CFAP44: variants seen among roughly 807,000 people sequenced by gnomAD.
CFAP44 encodes cilia and flagella associated protein 44, also known as cilia- and flagella-associated protein 44.
CFAP44 carries 134 observed loss-of-function variants against 216.2 expected under a neutral mutation model. The observed-to-expected ratio is 0.62, with a 90% CI of 0.54 to 0.72. The LOEUF (loss-of-function observed/expected upper bound fraction) is 0.72. Ranked by LOEUF, CFAP44 falls within the 30% of genes least tolerant of loss-of-function variation. The pLI, the probability that CFAP44 is intolerant of heterozygous loss-of-function variation, is 0.00. For synonymous variants in CFAP44, 700 were observed against 727.6 expected (o/e 0.96, Z 0.61); for missense variants, 2,035 against 2,182.1 (o/e 0.93, Z 1.34).
intron 24 of CFAP44, among the ~76,000 whole-genome samples, chr3:113,340,556 G>A (rs1206233876): frequency 6.6e-6 from 1 of 152,178 alleles, no homozygotes; most frequent in African/African-American, 2.4e-5. Context: ...CCCCCTCGCA[G>A]GGTGTGCGAT....
intron 6 of CFAP44, among the ~76,000 whole-genome samples, 159 bp downstream of exon 6, chr3:113,416,366 A>C (rs947675247): frequency 5.3e-5 from 8 of 152,094 alleles, no homozygotes; most frequent in Non-Finnish European, 8.8e-5. Context: ...ATTTACATTT[A>C]AGGTTAGTAT....
intron 8 of CFAP44, among the ~76,000 whole-genome samples, chr3:113,405,559 A>G (rs1934254027): frequency 6.6e-6 from 1 of 152,158 alleles, no homozygotes; most frequent in South Asian, 2.1e-4. Context: ...CTGCCTACCT[A>G]TTAAACTCCT....
chr3:113,373,882 A>G (rs1933253264), intron 17 of CFAP44, among the ~76,000 whole-genome samples: 1 of 152,172 alleles, frequency 6.6e-6, no homozygotes, highest in African/African-American at 2.4e-5. Context: ...GCAGGAACAA[A>G]TATTAGGGTT....
At chr3:113,337,941 T>C (rs1282648057) in intron 24 of CFAP44, among the ~76,000 whole-genome samples, 1 of 151,908 alleles carries the variant, frequency 6.6e-6, no homozygotes, top group Non-Finnish European at 1.5e-5. Flanking sequence ...TCAACTAAAT[T>C]AAAAACTGTT....
At chr3:113,296,015 T>A (rs372705945) in intron 33 of CFAP44, among the ~76,000 whole-genome samples, 70 of 152,284 alleles carry the variant, frequency 4.6e-4, no homozygotes, top group African/African-American at 7.5e-4. Flanking sequence ...ATAGCAAACG[T>A]TGTACCTAGT....
At chr3:113,411,690 T>A (rs1236773454) in intron 6 of CFAP44, among the ~76,000 whole-genome samples, 3 of 152,226 alleles carry the variant, frequency 2.0e-5, no homozygotes, top group African/African-American at 4.8e-5. Context: ...AAGTCATTGG[T>A]AGCTTGATGG....
At chr3:113,400,038 A>G in intron 12 of CFAP44, 38 bp from the exon 13 acceptor site, 1 of 1,375,696 alleles carries the variant, frequency 7.3e-7, no homozygotes, top group Non-Finnish European at 9.8e-7. Flanking sequence ...AAAATTATAT[A>G]CATAATTTTT....
chr3:113,296,244 G>A (rs11921931), intron 33 of CFAP44, among the ~76,000 whole-genome samples: 27,810 of 152,012 alleles, frequency 0.18, 2,718 homozygotes, highest in African/African-American at 0.24. Flanking sequence ...TTATGGCTGC[G>A]TAGTAATCCA....
At chr3:113,320,422 T>TAC (rs1950132203) in intron 28 of CFAP44, among the ~76,000 whole-genome samples, 1 of 145,290 alleles carries the variant, frequency 6.9e-6, no homozygotes, top group East Asian at 2.0e-4. Context: ...ATGATATATA[T>TAC]ATGATATATA....
In CFAP44 at chr3:113,291,660, G is replaced by A. The variant is rs1195095563; in HGVS notation, c.5462C>T (p.Ser1821Leu). 35 of 1,537,356 alleles carry A rather than the reference G, an allele frequency of 2.3e-5. No individual in the cohort carries two copies. Among genetic ancestry groups the A allele is most frequent in the Admixed American group, 1.4e-4 (7 of 50,990 alleles). ...AAGAGCAATCTCCTCCTTTAAGGCC[G>A]AAATCCTTTCCGCCTGGAGTTGGAT... ...ELIQLQAERI[S>L]ALKEEIALLR... Residue 1821 changes from serine to leucine, a missense_variant, in exon 35 of 35, where the codon TCG becomes TTG. Ser to Leu is a moderately radical substitution (Grantham distance 145, BLOSUM62 -2). Around this residue, in one of 3 missense-constraint regions of CFAP44, gnomAD observed 1,883 missense variants for 2,023.7 expected, o/e 0.93. Coordinates refer to ENST00000393845, the MANE Select transcript of CFAP44 (RefSeq NM_001164496.2).
intron 4 of CFAP44, among the ~76,000 whole-genome samples, chr3:113,425,422 C>T (rs757113796): frequency 6.6e-6 from 1 of 152,154 alleles, no homozygotes; most frequent in Admixed American, 6.5e-5. Flanking sequence ...AATGTGATGA[C>T]GAACACAAAA....
At chr3:113,412,000 C>T (rs1385796772) in intron 6 of CFAP44, among the ~76,000 whole-genome samples, 2 of 152,076 alleles carry the variant, frequency 1.3e-5, no homozygotes, top group Non-Finnish European at 2.9e-5. Context: ...TATCCTGAGA[C>T]TTTGCTGAAG....
At position 113,380,978 on chromosome 3, in the gene CFAP44, T is replaced by C. The variant is rs750039859; in HGVS notation, c.1973A>G (p.Asp658Gly). Reference protein sequence around the residue: ...PLPTIKQEEDDHDVVSYEIKD... With the variant: ...PLPTIKQEEDGHDVVSYEIKD... ...GATTTCATAGGAGACTACATCATGA[T>C]CATCCTCTTCTTGCTTTATGGTTGG... The change falls in exon 16 of 35, where the codon GAT becomes GGT. Residue 658 changes from aspartate to glycine, a missense_variant. By Grantham distance (94) the Asp-to-Gly change is moderately conservative. Around this residue, in one of 3 missense-constraint regions of CFAP44, gnomAD observed 1,883 missense variants for 2,023.7 expected, o/e 0.93. Coordinates refer to ENST00000393845, the MANE Select transcript of CFAP44 (RefSeq NM_001164496.2). 6.2e-7 allele frequency: 1 copy of C among 1,602,742 alleles called. No homozygotes were observed. Among genetic ancestry groups the C allele is most frequent in the South Asian group, 1.1e-5 (1 of 88,706 alleles).
At position 113,360,354 on chromosome 3, in the gene CFAP44, T is replaced by G. The variant is rs542064850; in HGVS notation, c.2935-1479A>C. On this transcript the variant is annotated intron_variant, in intron 21 of 34. Coordinates refer to ENST00000393845, the MANE Select transcript of CFAP44 (RefSeq NM_001164496.2). ...ATCCTATGGCTCAAAGAAAGATGAT[T>G]ATGAATACTATATGTCTGAGTATTT... 28 of 222,426 alleles carry G rather than the reference T, an allele frequency of 1.3e-4. No homozygotes were observed. In the South Asian group the frequency reaches 2.0e-3, roughly 16 times the overall value. 13.8% of individuals were successfully genotyped at this position (222,426 alleles called of 1,614,324 possible).
intron 28 of CFAP44, among the ~76,000 whole-genome samples, chr3:113,313,239 T>C (rs1179082475): frequency 1.3e-5 from 2 of 152,168 alleles, no homozygotes; most frequent in African/African-American, 4.8e-5. Flanking sequence ...TTTGGAGCTT[T>C]AAAATGTGAC....
intron 19 of CFAP44, 79 bp from the exon 20 acceptor site, chr3:113,363,611 A>G (rs1194455769): frequency 7.8e-7 from 1 of 1,277,878 alleles, no homozygotes; most frequent in East Asian, 2.6e-5. Flanking sequence ...GAAGTAAATT[A>G]AAAACTCAAA....
At chr3:113,404,522 A>T (rs530956064) in intron 8 of CFAP44, among the ~76,000 whole-genome samples, 5 of 152,326 alleles carry the variant, frequency 3.3e-5, no homozygotes, top group African/African-American at 1.2e-4. Context: ...GCCACCAAAC[A>T]TTAGTTGTTA....
At chr3:113,402,910 C>T (rs940687975) in intron 9 of CFAP44, among the ~76,000 whole-genome samples, 6 of 151,932 alleles carry the variant, frequency 3.9e-5, no homozygotes, top group African/African-American at 9.7e-5. Context: ...ATAAAGGACA[C>T]AAAAGATTCT....
At chr3:113,417,573 T>C (rs1934683456) in intron 5 of CFAP44, among the ~76,000 whole-genome samples, 1 of 152,222 alleles carries the variant, frequency 6.6e-6, no homozygotes, top group South Asian at 2.1e-4. Context: ...CCTGATTACA[T>C]ATAAGACAAA....
Sources: allele counts gnomAD v4.1 joint callset (sites outside exome capture counted in the v4.1 genomes callset), GRCh38; gene constraint gnomAD v4.1.1; regional missense constraint gnomAD v4.1.1; transcripts MANE v1.5; gene names NCBI Gene and HGNC (gene_info 2026-07-23, HGNC 2026-07-21).